Variants in FXN observed in about 807,000 individuals in gnomAD.
The protein encoded by FXN is frataxin, mitochondrial.
A neutral mutation model predicts 22.4 loss-of-function variants in FXN; 14 were observed. The observed-to-expected ratio is 0.62, with a 90% CI of 0.41 to 0.98. FXN has a LOEUF of 0.98. Among genes scored for constraint, FXN ranks in the 50% least tolerant of loss-of-function variants. FXN has a pLI of 0.00. For synonymous variants in FXN, 120 were observed against 114.1 expected (o/e 1.05, Z -0.33); for missense variants, 267 against 268.4 (o/e 0.99, Z 0.04).
At position 69,075,327 on chromosome 9, in the gene FXN, G is replaced by A. The variant is rs115528408; in HGVS notation, c.*2565G>A. 1,675 of 604,040 alleles carry A rather than the reference G, an allele frequency of 2.8e-3. 21 individuals carry two copies. The African/African-American group carries it at 0.032, about 11-fold the overall frequency. The allele number at this position is 604,040 out of a possible 1,614,324, so 37.4% of individuals were successfully genotyped here. A position where few individuals can be genotyped will look rare whatever the true frequency, so the allele number is the denominator to read the frequency against. ...ATTAAAAAATTGGCTGGGCGTGGTG[G>A]TTCGTGCCTATAATTTCAGCTACTC... On this transcript the variant is annotated 3_prime_UTR_variant, in exon 5 of 5. Coordinates refer to ENST00000484259, the MANE Select transcript of FXN (RefSeq NM_000144.5).
At chr9:69,066,666 G>C (rs1832170576) in intron 4 of FXN, among the ~76,000 whole-genome samples, 1 of 152,072 alleles carries the variant, frequency 6.6e-6, no homozygotes, top group South Asian at 2.1e-4. Context: ...GATCACTTTT[G>C]GGGATCAGTG....
intron 1 of FXN, 48 bp from the exon 2 acceptor site, chr9:69,046,337 T>C (rs772792033): frequency 5.1e-5 from 70 of 1,382,922 alleles, no homozygotes; most frequent in Admixed American, 1.0e-4. Context: ...ATTAATGGGT[T>C]ATAATTCACT....
intron 1 of FXN, among the ~76,000 whole-genome samples, chr9:69,042,762 GC>G (rs1831680772): frequency 6.6e-6 from 1 of 152,134 alleles, no homozygotes; most frequent in African/African-American, 2.4e-5. Context: ...GGTTTGAGGG[GC>G]CAGGATCCTG....
intron 2 of FXN, among the ~76,000 whole-genome samples, chr9:69,047,970 G>A (rs542718257): frequency 7.2e-5 from 11 of 152,016 alleles, no homozygotes; most frequent in African/African-American, 1.7e-4. Flanking sequence ...CGCCCGCCTC[G>A]GCCTCCCAAA....
rs200543562 is a variant in FXN, at chr9:69,053,245, T to C, written c.369T>C (p.Tyr123=). Residue 123 remains tyrosine (Y), a synonymous_variant, in exon 3 of 5, where the codon TAT becomes TAC. Transcript: ENST00000484259. Reference sequence around the variant, plus strand: ...ACAAGCCATACACGTTTGAGGACTATGATGTCTCCTTTGGGGTACCTCTTG... The same window carrying C: ...ACAAGCCATACACGTTTGAGGACTACGATGTCTCCTTTGGGGTACCTCTTG... ...LADKPYTFED[Y]DVSFGSGVLT... The C allele has an allele frequency of 1.2e-5, 20 of 1,613,840 alleles. No individual in the cohort carries two copies. Among genetic ancestry groups the C allele is most frequent in the Non-Finnish European group, 1.7e-5 (20 of 1,179,842 alleles).
chr9:69,056,525 G>A (rs1831961447), intron 3 of FXN, among the ~76,000 whole-genome samples: 1 of 152,144 alleles, frequency 6.6e-6, no homozygotes, highest in Non-Finnish European at 1.5e-5. Flanking sequence ...TATTTGGTAG[G>A]CTGAAGCAGG....
At chr9:69,052,464 G>A (rs1469717160) in intron 2 of FXN, among the ~76,000 whole-genome samples, 1 of 151,808 alleles carries the variant, frequency 6.6e-6, no homozygotes, top group East Asian at 1.9e-4. Context: ...GCCCAGAAAG[G>A]ACTATTAATT....
At position 69,074,983 on chromosome 9, in the gene FXN, G is replaced by T. The variant is rs1384289377; in HGVS notation, c.*2221G>T. 1.0e-6 allele frequency: 1 copy of T among 985,346 alleles called. No individual in the cohort carries two copies. The highest frequency in any genetic ancestry group is 1.7e-5 in the African/African-American group (1 of 57,306). 61.0% of individuals were successfully genotyped at this position (985,346 alleles called of 1,614,324 possible). On this transcript the variant is annotated 3_prime_UTR_variant, in exon 5 of 5. Coordinates refer to ENST00000484259, the MANE Select transcript of FXN (RefSeq NM_000144.5). Reference sequence around the variant, plus strand: ...TGACATGATGTACTCCTTTATCTGGGACACAGCACAAAAGAGGTATGCAGT... The same window carrying T: ...TGACATGATGTACTCCTTTATCTGGTACACAGCACAAAAGAGGTATGCAGT...
chr9:69,036,020 C>T (rs1164707955), intron 1 of FXN, 73 bp downstream of exon 1: 7 of 1,192,848 alleles, frequency 5.9e-6, no homozygotes, highest in Admixed American at 8.9e-5. Context: ...CGCAGGGAGG[C>T]GCCGCGCACG....
chr9:69,037,214 C>T (rs1315640961), intron 1 of FXN, among the ~76,000 whole-genome samples: 8 of 145,004 alleles, frequency 5.5e-5, no homozygotes, highest in Non-Finnish European at 9.0e-5. Context: ...ACCTGAGGTC[C>T]GGAGTTCAAG....
At chr9:69,057,109 C>G (rs1831974573) in intron 3 of FXN, among the ~76,000 whole-genome samples, 1 of 152,056 alleles carries the variant, frequency 6.6e-6, no homozygotes, top group East Asian at 1.9e-4. Context: ...CTATTTAGCC[C>G]TTAGGGGAAA....
rs1832377506 is a variant in FXN at position 69,076,761 on chromosome 9, T to G, written c.*3999T>G. On this transcript the variant is annotated 3_prime_UTR_variant, in exon 5 of 5. Coordinates refer to ENST00000484259, the MANE Select transcript of FXN (RefSeq NM_000144.5). ...AAAGTAATTTTAGTCCGTGTCCAGT[T>G]GGATTCTTGGCACATAGTTATCTTC... 4.1e-6 allele frequency: 4 copies of G among 985,324 alleles called. No individual in the cohort carries two copies. Among genetic ancestry groups the G allele is most frequent in the South Asian group, 9.4e-5 (2 of 21,292 alleles). 61.0% of individuals were successfully genotyped at this position (985,324 alleles called of 1,614,324 possible). A position where few individuals can be genotyped will look rare whatever the true frequency, so the allele number is the denominator to read the frequency against.
intron 3 of FXN, 104 bp downstream of exon 3, chr9:69,053,364 AGTT>A (rs1831889740): frequency 1.5e-6 from 2 of 1,374,940 alleles, no homozygotes; most frequent in African/African-American, 1.4e-5. Context: ...AGTAGCATGT[AGTT>A]GTAGGTAGGA....
chr9:69,066,867 A>T (rs1019680471), intron 4 of FXN, among the ~76,000 whole-genome samples: 1,159 of 110,194 alleles, frequency 0.011, 6 homozygotes, highest in African/African-American at 0.025. Context: ...TCAAAAAAAA[A>T]AAATATATAT....
intron 2 of FXN, among the ~76,000 whole-genome samples, chr9:69,050,289 A>C (rs1831827690): frequency 6.6e-6 from 1 of 152,232 alleles, no homozygotes; most frequent in Non-Finnish European, 1.5e-5. Context: ...GTGATATTAC[A>C]AAGGAATACT....
intron 3 of FXN, among the ~76,000 whole-genome samples, chr9:69,057,826 A>C (rs1423830669): frequency 3.9e-5 from 6 of 152,004 alleles, no homozygotes; most frequent in African/African-American, 2.4e-5. Context: ...CAGCACTCTG[A>C]GGTTGACTCT....
chr9:69,043,772 C>T (rs1049412636), intron 1 of FXN, among the ~76,000 whole-genome samples: 23 of 152,230 alleles, frequency 1.5e-4, no homozygotes, highest in African/African-American at 4.8e-4. Context: ...TTAGTAGAGG[C>T]GGGGTTTCAC....
At chr9:69,036,029 C>A (rs1174803498) in intron 1 of FXN, 82 bp downstream of exon 1, 2 of 1,162,648 alleles carry the variant, frequency 1.7e-6, no homozygotes, top group Admixed American at 4.5e-5. Flanking sequence ...GCGCCGCGCA[C>A]GCCGGGGTCG....
intron 4 of FXN, among the ~76,000 whole-genome samples, chr9:69,070,393 C>T (rs913141997): frequency 2.0e-5 from 3 of 152,194 alleles, no homozygotes; most frequent in South Asian, 2.1e-4. Flanking sequence ...TGGCTCCTGG[C>T]GCCCCGCCCA....
Sources: gnomAD v4.1 joint callset for allele counts (sites outside exome capture counted in the v4.1 genomes callset) on GRCh38, gnomAD v4.1.1 for gene constraint, MANE v1.5 for transcripts, NCBI Gene and HGNC (gene_info 2026-07-23, HGNC 2026-07-21) for gene names.